RGS17: variants seen among roughly 807,000 people sequenced by gnomAD.
The protein encoded by RGS17 is regulator of G protein signaling 17, also known as regulator of G-protein signaling 17.
Under a neutral mutation model 25.5 loss-of-function variants are expected in RGS17, and 12 were observed. The observed-to-expected ratio is 0.47, with a 90% CI of 0.30 to 0.76. The LOEUF (loss-of-function observed/expected upper bound fraction) is 0.76. Ranked by LOEUF, RGS17 falls within the 30% of genes least tolerant of loss-of-function variation. The probability of loss-of-function intolerance (pLI) is 0.07; values close to 1 mark genes in which losing one functional copy is unlikely to be tolerated. For missense variants in RGS17, 196 were observed against 242.2 expected, an observed-to-expected ratio of 0.81 and a Z score of 1.27; for synonymous variants, 71 against 76.9, an observed-to-expected ratio of 0.92 and a Z score of 0.40.
chr6:153,073,057 C>T lies in RGS17; in HGVS notation c.-25-29014G>A, dbSNP rs189921847. Among the ~76,000 whole-genome samples the T allele has an allele frequency of 1.4e-4, 22 of 152,304 alleles. No homozygotes were observed. The East Asian group carries it at 4.2e-3, about 29-fold the overall frequency. ...AGGCCAAAGGCAGTGTCTTGCTTTC[C>T]ATCTCGATGACATAACAATTCCATT... On this transcript the variant is annotated intron_variant, in intron 1 of 4. Transcript: ENST00000206262.
At chr6:153,096,381 T>C (rs1278002206) in intron 1 of RGS17, among the ~76,000 whole-genome samples, 1 of 152,228 alleles carries the variant, frequency 6.6e-6, no homozygotes, top group Non-Finnish European at 1.5e-5. Context: ...CTATCCTCAC[T>C]GAGGGTTTTG....
intron 4 of RGS17, among the ~76,000 whole-genome samples, chr6:153,014,813 A>AG (rs1377691237): frequency 2.0e-5 from 3 of 149,786 alleles, no homozygotes; most frequent in African/African-American, 7.4e-5. Context: ...AAAAAAAAAA[A>AG]GAAACCCATT....
At chr6:153,057,142 T>G (rs1370964529) in intron 1 of RGS17, among the ~76,000 whole-genome samples, 3 of 151,772 alleles carry the variant, frequency 2.0e-5, no homozygotes, top group Non-Finnish European at 1.5e-5. Context: ...TAAACTCTTA[T>G]ATTTTATTTT....
intron 2 of RGS17, among the ~76,000 whole-genome samples, chr6:153,027,817 C>T (rs59851961): frequency 0.015 from 2,273 of 152,084 alleles, 49 homozygotes; most frequent in African/African-American, 0.05. Flanking sequence ...AGGTCATAGA[C>T]CACTTACTAT....
chr6:153,098,957 T>A (rs1777256712), intron 1 of RGS17, among the ~76,000 whole-genome samples: 1 of 152,168 alleles, frequency 6.6e-6, no homozygotes, highest in African/African-American at 2.4e-5. Flanking sequence ...GGGTCAATGT[T>A]AAGTGATCAT....
chr6:153,099,783 T>C (rs767423471), intron 1 of RGS17, among the ~76,000 whole-genome samples: 1 of 152,118 alleles, frequency 6.6e-6, no homozygotes, highest in Non-Finnish European at 1.5e-5. Context: ...CAATTATTAT[T>C]CCACAAGCAG....
In RGS17 at chr6:153,024,375, G is replaced by C. The variant is rs768966178; in HGVS notation, c.331C>G (p.Leu111Val). 2 of 1,614,048 alleles carry C rather than the reference G, an allele frequency of 1.2e-6. No homozygotes were observed. Among genetic ancestry groups the C allele is most frequent in the Non-Finnish European group, 1.7e-6 (2 of 1,179,946 alleles). The change falls in exon 4 of 5, where the codon CTA becomes GTA. Residue 111 changes from leucine (L) to valine (V), a missense_variant. Physicochemically the swap from Leu to Val is conservative, Grantham distance 32 (BLOSUM62 1). Around this residue, in one of 2 missense-constraint regions of RGS17, gnomAD observed 179 missense variants for 197.6 expected, o/e 0.91. Transcript: ENST00000206262. ...FLRTEYSEEN[L>V]LFWLACEDLK... Reference sequence around the variant, plus strand: ...TCTTCACAAGCAAGCCAGAAAAGTAGGTTCTCTTCACTGTATTCTGTTCGG... The same window carrying C: ...TCTTCACAAGCAAGCCAGAAAAGTACGTTCTCTTCACTGTATTCTGTTCGG...
At chr6:153,073,784 C>A (rs931584674) in intron 1 of RGS17, among the ~76,000 whole-genome samples, 1 of 152,040 alleles carries the variant, frequency 6.6e-6, no homozygotes, top group Non-Finnish European at 1.5e-5. Flanking sequence ...TGCTATGGGT[C>A]CAACCAATTG....
chr6:153,089,026 T>C (rs1777089108), intron 1 of RGS17, among the ~76,000 whole-genome samples: 1 of 152,192 alleles, frequency 6.6e-6, no homozygotes, highest in Non-Finnish European at 1.5e-5. Context: ...ACTATGTGTT[T>C]GCAGAATCTC....
chr6:153,105,832 C>A (rs551296544), intron 1 of RGS17, among the ~76,000 whole-genome samples: 6 of 152,222 alleles, frequency 3.9e-5, no homozygotes, highest in Admixed American at 3.9e-4. Context: ...AGGGGAGGAG[C>A]CATGCAAAAA....
At position 153,011,525 on chromosome 6, in the gene RGS17, C is replaced by T. The variant is rs780557689; in HGVS notation, c.*49G>A. ...CTCAGTTTCTGATGTTATTTAACTA[C>T]TTTTATTTCCCATCTCAGCCCTCCA... On this transcript the variant is annotated 3_prime_UTR_variant, in exon 5 of 5. Transcript: ENST00000206262. 5 of 1,329,564 alleles carry T rather than the reference C, an allele frequency of 3.8e-6. No individual in the cohort carries two copies. The highest frequency in any genetic ancestry group is 5.3e-6 in the Non-Finnish European group (5 of 941,740). 82.4% of individuals were successfully genotyped at this position (1,329,564 alleles called of 1,614,324 possible).
At chr6:153,044,088 G>T in intron 1 of RGS17, 45 bp from the exon 2 acceptor site, 1 of 915,420 alleles carries the variant, frequency 1.1e-6, no homozygotes, top group Non-Finnish European at 1.8e-6. Context: ...AAAGCAATAA[G>T]GATAAGTTGC....
At chr6:153,021,749 G>C (rs995946909) in intron 4 of RGS17, among the ~76,000 whole-genome samples, 1 of 152,122 alleles carries the variant, frequency 6.6e-6, no homozygotes, top group African/African-American at 2.4e-5. Context: ...GGATATTAAA[G>C]AACGGGTAAT....
At chr6:153,085,037 C>T (rs1447722654) in intron 1 of RGS17, among the ~76,000 whole-genome samples, 1 of 152,112 alleles carries the variant, frequency 6.6e-6, no homozygotes, top group African/African-American at 2.4e-5. Context: ...TGCTTTAAAA[C>T]TGTGTTTTAA....
At chr6:153,081,130 ATTCACTC>A (rs1776973250) in intron 1 of RGS17, among the ~76,000 whole-genome samples, 1 of 152,080 alleles carries the variant, frequency 6.6e-6, no homozygotes, top group Non-Finnish European at 1.5e-5. Flanking sequence ...TGACAGTGCT[ATTCACTC>A]TTCTTTATCC....
intron 1 of RGS17, among the ~76,000 whole-genome samples, chr6:153,122,545 T>C (rs1194918286): frequency 6.6e-6 from 1 of 152,086 alleles, no homozygotes; most frequent in Non-Finnish European, 1.5e-5. Flanking sequence ...TGAGTCAAAA[T>C]TGCCAATATT....
intron 2 of RGS17, among the ~76,000 whole-genome samples, chr6:153,042,456 T>C (rs1776334572): frequency 1.3e-5 from 2 of 152,322 alleles, no homozygotes; most frequent in East Asian, 1.9e-4. Context: ...CCCCTGCACA[T>C]GCACTCTTGC....
intron 1 of RGS17, among the ~76,000 whole-genome samples, chr6:153,083,041 C>A (rs1777005625): frequency 6.6e-6 from 1 of 152,158 alleles, no homozygotes. Context: ...TGGTTTACAG[C>A]TCTTCTCCTT....
intron 2 of RGS17, among the ~76,000 whole-genome samples, chr6:153,039,220 C>T (rs1776291016): frequency 6.6e-6 from 1 of 152,180 alleles, no homozygotes; most frequent in Admixed American, 6.5e-5. Context: ...ATCTCAGTTC[C>T]ACCTCGATCC....
Sources: gnomAD v4.1 joint callset for allele counts (sites outside exome capture counted in the v4.1 genomes callset) on GRCh38, gnomAD v4.1.1 for gene constraint, gnomAD v4.1.1 regional missense constraint, MANE v1.5 for transcripts, NCBI Gene and HGNC (gene_info 2026-07-23, HGNC 2026-07-21) for gene names.